SLC17A1: variants seen among roughly 807,000 people sequenced by gnomAD.
The protein encoded by SLC17A1 is solute carrier family 17 member 1.
A neutral mutation model predicts 53.5 loss-of-function variants in SLC17A1; 51 were observed. The observed-to-expected ratio is 0.95, with a 90% CI of 0.76 to 1.20. The LOEUF (loss-of-function observed/expected upper bound fraction) is 1.20, where lower values mean the gene tolerates loss of function less well. Among genes scored for constraint, SLC17A1 ranks in the 50% most tolerant of loss-of-function variants. The pLI, the probability that SLC17A1 is intolerant of heterozygous loss-of-function variation, is 0.00. For synonymous variants in SLC17A1, 179 were observed against 198.8 expected, an observed-to-expected ratio of 0.90 and a Z score of 0.84; for missense variants, 538 against 568.2, an observed-to-expected ratio of 0.95 and a Z score of 0.54.
intron 12 of SLC17A1, among the ~76,000 whole-genome samples, chr6:25,791,719 A>C (rs988906320): frequency 4.6e-5 from 7 of 152,244 alleles, no homozygotes; most frequent in Admixed American, 4.6e-4. Context: ...GAATGCTTTA[A>C]GTGGTTAACA....
At chr6:25,754,729 G>A in the SLC17A1 span, 1 of 152,282 alleles carries the variant, frequency 6.6e-6, no homozygotes, top group East Asian at 1.9e-4. Flanking sequence ...ATTGCAAAGA[G>A]CTTAGAATAT....
At chr6:25,758,951 C>T in the SLC17A1 span, among the ~76,000 whole-genome samples, 3 of 152,124 alleles carry the variant, frequency 2.0e-5, no homozygotes, top group African/African-American at 7.2e-5. Flanking sequence ...GAACTTTCCT[C>T]TTAGCACCGC....
the SLC17A1 span, among the ~76,000 whole-genome samples, chr6:25,740,034 C>A: frequency 6.6e-6 from 1 of 152,206 alleles, no homozygotes; most frequent in South Asian, 2.1e-4. Context: ...TGTATACTAG[C>A]CTTGCACCTT....
intron 8 of SLC17A1, 145 bp from the exon 9 acceptor site, chr6:25,811,915 G>T: frequency 1.2e-6 from 1 of 839,000 alleles, no homozygotes; most frequent in South Asian, 1.9e-5. Flanking sequence ...AATTACTGCT[G>T]GGACCACATT....
At chr6:25,770,613 T>C in the SLC17A1 span, 1 of 764,978 alleles carries the variant, frequency 1.3e-6, no homozygotes, top group Non-Finnish European at 2.2e-6. Flanking sequence ...ACTGCCTTAC[T>C]TGATTGTAAC....
chr6:25,830,052 A>T (rs1764892263), intron 2 of SLC17A1, among the ~76,000 whole-genome samples: 1 of 152,170 alleles, frequency 6.6e-6, no homozygotes, highest in Non-Finnish European at 1.5e-5. Context: ...GTCCCCTATG[A>T]CATTGACACA....
At chr6:25,803,703 A>G (rs1028112614) in intron 10 of SLC17A1, among the ~76,000 whole-genome samples, 9 of 152,122 alleles carry the variant, frequency 5.9e-5, no homozygotes, top group Non-Finnish European at 1.2e-4. Context: ...GTTGTAAGGT[A>G]AATATGATTA....
At chr6:25,799,778 TCAGC>T (rs1763699867) in intron 11 of SLC17A1, among the ~76,000 whole-genome samples, 1 of 152,172 alleles carries the variant, frequency 6.6e-6, no homozygotes, top group Non-Finnish European at 1.5e-5. Flanking sequence ...CTTTTGGAAG[TCAGC>T]TCTGCACACC....
chr6:25,776,934 G>C, the SLC17A1 span: 1 of 1,613,370 alleles, frequency 6.2e-7, no homozygotes. Flanking sequence ...AGGAGCCCTT[G>C]TTAACTTCTT....
the SLC17A1 span, among the ~76,000 whole-genome samples, chr6:25,728,995 G>A: frequency 6.6e-6 from 1 of 152,124 alleles, no homozygotes; most frequent in Non-Finnish European, 1.5e-5. Context: ...CTTGTATTGG[G>A]GATGGGATCA....
intron 2 of SLC17A1, among the ~76,000 whole-genome samples, chr6:25,826,893 A>G (rs1764769122): frequency 6.6e-6 from 1 of 152,080 alleles, no homozygotes; most frequent in Non-Finnish European, 1.5e-5. Context: ...GCTCAAGTCT[A>G]TTTTTTAAAA....
At chr6:25,824,133 A>C (rs1384766953) in intron 3 of SLC17A1, among the ~76,000 whole-genome samples, 7 of 152,030 alleles carry the variant, frequency 4.6e-5, no homozygotes. Flanking sequence ...AAATTATAAA[A>C]CTTCTAAAAC....
chr6:25,737,344 G>A, the SLC17A1 span, among the ~76,000 whole-genome samples: 1 of 152,014 alleles, frequency 6.6e-6, no homozygotes, highest in African/African-American at 2.4e-5. Context: ...CTCAGAAGTG[G>A]ACTCAGCTTC....
chr6:25,760,948 T>G, the SLC17A1 span, among the ~76,000 whole-genome samples: 4 of 152,360 alleles, frequency 2.6e-5, no homozygotes, highest in South Asian at 6.2e-4. Context: ...TGCTACACAT[T>G]GAGTCTGAAA....
At chr6:25,746,765 C>T in the SLC17A1 span, among the ~76,000 whole-genome samples, 1 of 152,158 alleles carries the variant, frequency 6.6e-6, no homozygotes, top group Admixed American at 6.5e-5. Flanking sequence ...TTATTCCTGC[C>T]TCCTGCTATT....
chr6:25,784,521 C>T (rs1014038045), intron 12 of SLC17A1, among the ~76,000 whole-genome samples: 1 of 152,136 alleles, frequency 6.6e-6, no homozygotes. Flanking sequence ...CAACCATATT[C>T]TCTCCTGAAC....
the SLC17A1 span, chr6:25,731,708 G>T: frequency 1.0e-6 from 1 of 1,000,352 alleles, no homozygotes; most frequent in Non-Finnish European, 1.4e-6. Flanking sequence ...ACATTCTACA[G>T]CCCTATTAGA....
the SLC17A1 span, among the ~76,000 whole-genome samples, chr6:25,733,806 A>ATGTGTGTGTGTGTGTG: frequency 8.2e-5 from 11 of 133,988 alleles, no homozygotes; most frequent in African/African-American, 3.1e-4. Flanking sequence ...GTGTGTGTGT[A>ATGTGTGTGTGTGTGTG]TGTGTGTGTG....
chr6:25,818,993 C>T (rs1764452388), intron 6 of SLC17A1, 75 bp downstream of exon 6: 3 of 886,560 alleles, frequency 3.4e-6, no homozygotes, highest in African/African-American at 3.4e-5. Flanking sequence ...TGAATTATTA[C>T]ATTATATTGG....
Sources: gnomAD v4.1 joint callset for allele counts (sites outside exome capture counted in the v4.1 genomes callset) on GRCh38, gnomAD v4.1.1 for gene constraint, MANE v1.5 for transcripts, NCBI Gene and HGNC (gene_info 2026-07-23, HGNC 2026-07-21) for gene names.